The following ETV4 variants were observed in gnomAD, a reference collection of about 807,000 sequenced individuals.
ETV4 encodes the protein ETS translocation variant 4.
In ETV4, 42 loss-of-function variants were observed where a neutral mutation model predicts 65.9. The ratio of observed to expected loss-of-function variants is 0.64; its 90% CI spans 0.50 to 0.82. The LOEUF is 0.82. ETV4 is among the 40% of genes least tolerant of loss of function. The probability of loss-of-function intolerance (pLI) is 0.00; values close to 1 mark genes in which losing one functional copy is unlikely to be tolerated. For missense variants in ETV4, 583 were observed against 630.3 expected (o/e 0.92, Z 0.80); for synonymous variants, 238 against 260.0 (o/e 0.92, Z 0.81).
At chr17:43,544,704 A>G (rs1971710917) in intron 4 of ETV4, 1 of 340,604 alleles carries the variant, frequency 2.9e-6, no homozygotes, top group African/African-American at 2.1e-5. Context: ...TTCCATTCAA[A>G]TAAGCAAATA....
intron 6 of ETV4, 22 bp from the exon 7 acceptor site, chr17:43,533,370 G>A: frequency 1.9e-6 from 3 of 1,601,184 alleles, no homozygotes; most frequent in South Asian, 1.1e-5. Flanking sequence ...AAGGAGACAG[G>A]GGTGAGGGGG....
intron 4 of ETV4, among the ~76,000 whole-genome samples, chr17:43,543,107 G>A (rs1423356094): frequency 1.3e-5 from 2 of 151,848 alleles, no homozygotes; most frequent in Non-Finnish European, 2.9e-5. Context: ...CTCAGACCTG[G>A]CCATCCATCA....
chr17:43,541,931 G>A (rs1971544817), intron 4 of ETV4, among the ~76,000 whole-genome samples: 1 of 152,162 alleles, frequency 6.6e-6, no homozygotes, highest in Non-Finnish European at 1.5e-5. Flanking sequence ...ACATGCCGAG[G>A]CACCAGTGTA....
rs1970852807 is a variant in ETV4, at chr17:43,530,421, G to C, written c.812-240C>G. 54 of 1,407,692 alleles carry C rather than the reference G, an allele frequency of 3.8e-5. 1 individual carries two copies. In the South Asian group the frequency reaches 7.6e-4, roughly 20 times the overall value. The allele number at this position is 1,407,692 out of a possible 1,614,324, so 87.2% of individuals were successfully genotyped here. On this transcript the variant is annotated intron_variant, in intron 8 of 12. Transcript: ENST00000319349. ...GGCTGAGGCCATGGAAGGCAGCAGC[G>C]GGGGCTGGGCAAGCTGTTCTGAAGG...
Position 43,529,205 on chromosome 17 carries a change from C to T in ETV4, c.1160G>A (p.Arg387Gln). ...CAGCTTGTCGTAATTCATGGCTGGC[C>T]GGTTCTTCTGGATGCCCCAGAGCCT... ...VARLWGIQKN[R>Q]PAMNYDKLSR... Residue 387 changes from arginine to glutamine, a missense_variant, in exon 12 of 13, where the codon CGG (arginine) becomes CAG (glutamine). By Grantham distance (43) the Arg-to-Gln change is conservative. Transcript: ENST00000319349. 5.0e-6 allele frequency: 8 copies of T among 1,613,946 alleles called. No homozygotes were observed. Among genetic ancestry groups the T allele is most frequent in the East Asian group, 2.2e-5 (1 of 44,856 alleles).
rs1567704189 is a variant in ETV4 at position 43,528,514 on chromosome 17, G to T, written c.*5C>A. The T allele has an allele frequency of 1.3e-6, 2 of 1,592,410 alleles. No individual in the cohort carries two copies. The highest frequency in any genetic ancestry group is 1.7e-6 in the Non-Finnish European group (2 of 1,166,254). ...ACCTGCGGCAGGGGGAACAGCCGCTGGGGGCTAGTAAGAGTAGCCACCCTT... is the reference window on the plus strand; with the variant it reads ...ACCTGCGGCAGGGGGAACAGCCGCTTGGGGCTAGTAAGAGTAGCCACCCTT... On this transcript the variant is annotated 3_prime_UTR_variant, in exon 13 of 13. Coordinates refer to ENST00000319349, the MANE Select transcript of ETV4 (RefSeq NM_001079675.5).
Position 43,542,608 on chromosome 17 carries a change from C to T in ETV4, c.202+2367G>A, listed in dbSNP as rs190129935. Among the ~76,000 whole-genome samples, 246 of 152,242 alleles carry T rather than the reference C, an allele frequency of 1.6e-3. 2 individuals are homozygous for T. The highest frequency in any genetic ancestry group is 5.8e-3 in the Admixed American group (89 of 15,300). On this transcript the variant is annotated intron_variant, in intron 4 of 12. Transcript: ENST00000319349. ...CGCCCTCCTAGCCTCACATCATTCA[C>T]CCCTGTGTACAAAAACCCAACCCCA... is the stretch of plus-strand genomic sequence containing the variant.
At chr17:43,529,414 G>T in intron 11 of ETV4, 90 bp downstream of exon 11, 1 of 1,474,754 alleles carries the variant, frequency 6.8e-7, no homozygotes, top group Non-Finnish European at 9.3e-7. Context: ...CAAGAATCAT[G>T]ATGGAGGCAC....
At chr17:43,529,343 G>C in intron 11 of ETV4, 107 bp from the exon 12 acceptor site, 1 of 1,398,256 alleles carries the variant, frequency 7.2e-7, no homozygotes, top group South Asian at 1.2e-5. Flanking sequence ...TGCCAAGCTA[G>C]CTCTGCAACA....
intron 5 of ETV4, among the ~76,000 whole-genome samples, chr17:43,535,235 C>T (rs891784840): frequency 1.3e-5 from 2 of 152,150 alleles, no homozygotes; most frequent in Non-Finnish European, 2.9e-5. Flanking sequence ...CTGGTGAAGA[C>T]AGTTGACAGC....
chr17:43,539,609 C>A (rs942204008), intron 4 of ETV4, among the ~76,000 whole-genome samples: 7 of 152,224 alleles, frequency 4.6e-5, no homozygotes, highest in African/African-American at 1.7e-4. Flanking sequence ...GCTGTTATTT[C>A]TTGACTACAT....
rs1042838822 is a variant in ETV4 at position 43,545,570 on chromosome 17, G to A, written c.48C>T (p.Tyr16=). The change falls in exon 2 of 13, where the codon TAC becomes TAT. Residue 16 remains tyrosine, a synonymous_variant. Coordinates refer to ENST00000319349, the MANE Select transcript of ETV4 (RefSeq NM_001079675.5). ...GCGCGGCGCTCACGCTGCTGAAGGTGTAGGGCACTTGCTGGTCCAAGTATC... is the reference window on the plus strand; with the variant it reads ...GCGCGGCGCTCACGCTGCTGAAGGTATAGGGCACTTGCTGGTCCAAGTATC... The part of the protein sequence containing the change: ...KAGYLDQQVP[Y]TFSSKSPGNG... The A allele has an allele frequency of 2.6e-6, 4 of 1,550,476 alleles. No individual in the cohort carries two copies. In the African/African-American group the frequency reaches 5.5e-5, roughly 21 times the overall value.
chr17:43,535,696 C>T (rs982097285), intron 5 of ETV4, among the ~76,000 whole-genome samples: 3 of 152,214 alleles, frequency 2.0e-5, no homozygotes, highest in Non-Finnish European at 4.4e-5. Flanking sequence ...TCCCTGGCCT[C>T]TCTATCCACT....
chr17:43,532,101 C>T (rs1013016569), intron 8 of ETV4, among the ~76,000 whole-genome samples: 32 of 152,220 alleles, frequency 2.1e-4, no homozygotes, highest in African/African-American at 7.7e-4. Context: ...TGGGCTCAAA[C>T]GATCCTCCTG....
At chr17:43,543,276 A>ACACTCTCTCT (rs1555559953) in intron 4 of ETV4, among the ~76,000 whole-genome samples, 12 of 138,258 alleles carry the variant, frequency 8.7e-5, no homozygotes, top group East Asian at 2.2e-4. Context: ...ACACACACAC[A>ACACTCTCTCT]CTCTCTCTCT....
chr17:43,535,308 C>T (rs1047522798), intron 5 of ETV4, among the ~76,000 whole-genome samples: 2 of 151,896 alleles, frequency 1.3e-5, no homozygotes, highest in African/African-American at 2.4e-5. Context: ...GATGGAGCCT[C>T]GCTCTGTCAC....
rs887096121 is a variant in ETV4, at chr17:43,529,221, C to T, written c.1144G>A (p.Gly382Ser). 6.2e-7 allele frequency: 1 copy of T among 1,613,918 alleles called. No individual in the cohort carries two copies. Among genetic ancestry groups the T allele is most frequent in the Admixed American group, 1.7e-5 (1 of 59,984 alleles). ...ATGGCTGGCCGGTTCTTCTGGATGCCCCAGAGCCTGGCGACCTGGGAACAA... is the reference window on the plus strand; with the variant it reads ...ATGGCTGGCCGGTTCTTCTGGATGCTCCAGAGCCTGGCGACCTGGGAACAA... The part of the protein sequence containing the change: ...IEPEEVARLW[G>S]IQKNRPAMNY... The change falls in exon 12 of 13, where the codon GGC (glycine) becomes AGC (serine). Residue 382 changes from glycine to serine, a missense_variant. Coordinates refer to ENST00000319349, the MANE Select transcript of ETV4 (RefSeq NM_001079675.5).
At chr17:43,538,926 A>G (rs1971385139) in intron 4 of ETV4, among the ~76,000 whole-genome samples, 1 of 152,126 alleles carries the variant, frequency 6.6e-6, no homozygotes, top group Admixed American at 6.5e-5. Context: ...GATGGCTAGA[A>G]AAAACCTCCA....
intron 2 of ETV4, 23 bp downstream of exon 2, chr17:43,545,535 G>T (rs1414994800): frequency 6.5e-7 from 1 of 1,545,078 alleles, no homozygotes; most frequent in Admixed American, 2.0e-5. Context: ...CGGGGCGGGC[G>T]TGGAGGCCGG....
Sources: gnomAD v4.1 joint callset for allele counts (sites outside exome capture counted in the v4.1 genomes callset) on GRCh38, gnomAD v4.1.1 for gene constraint, MANE v1.5 for transcripts, NCBI Gene and HGNC (gene_info 2026-07-23, HGNC 2026-07-21) for gene names.